ULK4: variants seen among roughly 807,000 people sequenced by gnomAD.
ULK4 encodes the protein inactive serine/threonine-protein kinase ULK4.
Under a neutral mutation model 160.6 loss-of-function variants are expected in ULK4, and 133 were observed. The ratio of observed to expected loss-of-function variants is 0.83; its 90% CI spans 0.72 to 0.96. The LOEUF is 0.96. Among genes scored for constraint, ULK4 ranks in the 40% least tolerant of loss-of-function variants. The pLI is 0.00. For synonymous variants in ULK4, 534 were observed against 539.8 expected (o/e 0.99, Z 0.15); for missense variants, 1,580 against 1,499.5 (o/e 1.05, Z -0.89).
intron 30 of ULK4, among the ~76,000 whole-genome samples, chr3:41,640,810 T>C (rs1485753297): frequency 6.6e-6 from 1 of 152,216 alleles, no homozygotes; most frequent in Non-Finnish European, 1.5e-5. Flanking sequence ...TTTTTTTTAA[T>C]TGAATTGTTT....
At chr3:41,254,362 T>G (rs2078793459) in intron 35 of ULK4, among the ~76,000 whole-genome samples, 1 of 152,200 alleles carries the variant, frequency 6.6e-6, no homozygotes, top group African/African-American at 2.4e-5. Flanking sequence ...TTCAATCACT[T>G]GGAATTAAAC....
chr3:41,805,391 A>G lies in ULK4; in HGVS notation c.1849-5098T>C, dbSNP rs190401949. Among the ~76,000 whole-genome samples, 844 of 152,286 alleles carry G rather than the reference A, an allele frequency of 5.5e-3. 2 individuals are homozygous for G. Among genetic ancestry groups the G allele is most frequent in the African/African-American group, 0.019 (791 of 41,536 alleles). ...GCTTAAGGAGATTTTGGGCTGAGAC[A>G]ATGGGGTTTTCTAAATATACAATCA... is the stretch of plus-strand genomic sequence containing the variant. On this transcript the variant is annotated intron_variant, in intron 19 of 36. Transcript: ENST00000301831.
intron 33 of ULK4, among the ~76,000 whole-genome samples, chr3:41,462,569 C>T (rs552466258): frequency 6.6e-6 from 1 of 152,300 alleles, no homozygotes; most frequent in Non-Finnish European, 1.5e-5. Context: ...ACTGAATACA[C>T]CTCTATTCCT....
At position 41,297,742 on chromosome 3, in the gene ULK4, C is replaced by T. The variant is rs182374988; in HGVS notation, c.3679-48168G>A. Among the ~76,000 whole-genome samples, 12 of 152,358 alleles carry T rather than the reference C, an allele frequency of 7.9e-5. No individual in the cohort carries two copies. In the East Asian group the frequency reaches 2.3e-3, roughly 29 times the overall value. On this transcript the variant is annotated intron_variant, in intron 35 of 36. Coordinates refer to ENST00000301831, the MANE Select transcript of ULK4 (RefSeq NM_017886.4). ...CACCTGAGATGCTTTCTATGGCCCA[C>T]TGCTGACTTCAAAAGTGAACTGCCT...
rs1391754744 is a variant in ULK4, at chr3:41,471,462, A to G, written c.3227-8209T>C. ...CATCCAGACAGAAATTAATAAGAAA[A>G]CACTGGTCTTGAACAACACTTTAGA... On this transcript the variant is annotated intron_variant, in intron 32 of 36. Coordinates refer to ENST00000301831, the MANE Select transcript of ULK4 (RefSeq NM_017886.4). 3.3e-5 allele frequency among the ~76,000 whole-genome samples: 5 copies of G among 152,280 alleles called. No individual in the cohort carries two copies. In the East Asian group the frequency reaches 9.6e-4, roughly 29 times the overall value.
chr3:41,749,319 C>T (rs2038534445), intron 22 of ULK4, among the ~76,000 whole-genome samples: 1 of 152,060 alleles, frequency 6.6e-6, no homozygotes, highest in Non-Finnish European at 1.5e-5. Flanking sequence ...CCCGTCCCTA[C>T]TAAAAATACA....
At chr3:41,764,950 C>T (rs1047922644) in intron 21 of ULK4, among the ~76,000 whole-genome samples, 12 of 152,212 alleles carry the variant, frequency 7.9e-5, no homozygotes, top group Admixed American at 4.6e-4. Flanking sequence ...CACTTTTACA[C>T]TGTTGGTGGG....
chr3:41,443,185 C>T (rs1402117310), intron 34 of ULK4, among the ~76,000 whole-genome samples: 6 of 152,200 alleles, frequency 3.9e-5, no homozygotes, highest in African/African-American at 1.4e-4. Flanking sequence ...TGGCTACATA[C>T]CCAGAGCTTC....
At chr3:41,715,597 G>A (rs1186789098) in intron 23 of ULK4, 29 bp from the exon 24 acceptor site, 1 of 1,613,490 alleles carries the variant, frequency 6.2e-7, no homozygotes, top group African/African-American at 1.3e-5. Context: ...AGCATATGTG[G>A]AGGTTAAAAA....
At chr3:41,806,162 G>T (rs1308893155) in intron 19 of ULK4, among the ~76,000 whole-genome samples, 8 of 147,596 alleles carry the variant, frequency 5.4e-5, no homozygotes, top group Non-Finnish European at 8.9e-5. Flanking sequence ...CAATTTCAGA[G>T]CCTGTTATTG....
intron 32 of ULK4, among the ~76,000 whole-genome samples, chr3:41,556,434 T>C (rs113588405): frequency 0.016 from 2,451 of 149,170 alleles, 73 homozygotes; most frequent in African/African-American, 0.058. Context: ...ACTACTATCA[T>C]ACCACAAAAA....
At chr3:41,629,936 T>G (rs2033679610) in intron 30 of ULK4, among the ~76,000 whole-genome samples, 1 of 152,096 alleles carries the variant, frequency 6.6e-6, no homozygotes. Context: ...AGGTCAAAGT[T>G]GCAGTAAGTC....
intron 32 of ULK4, among the ~76,000 whole-genome samples, chr3:41,546,545 A>G (rs1243275988): frequency 6.6e-6 from 1 of 152,074 alleles, no homozygotes; most frequent in Non-Finnish European, 1.5e-5. Flanking sequence ...GTGAGGCCTA[A>G]CGTAATCTTG....
rs567999621 is a variant in ULK4, at chr3:41,583,620, C to T, written c.3121-17490G>A. Among the ~76,000 whole-genome samples the T allele has an allele frequency of 3.3e-4, 50 of 152,338 alleles. 1 individual carries two copies. Among genetic ancestry groups the T allele is most frequent in the African/African-American group, 1.1e-3 (46 of 41,582 alleles). ...AAAAGGGCAGCCAGAATCATGCACA[C>T]CTCAGGTATGGATCTGTCCTATGCT... is the stretch of plus-strand genomic sequence containing the variant. On this transcript the variant is annotated intron_variant, in intron 31 of 36. Transcript: ENST00000301831.
At chr3:41,938,970 T>C (rs1699866210) in intron 2 of ULK4, among the ~76,000 whole-genome samples, 1 of 152,140 alleles carries the variant, frequency 6.6e-6, no homozygotes, top group Non-Finnish European at 1.5e-5. Flanking sequence ...AATAACACAA[T>C]AGGTCACTAA....
At chr3:41,673,673 A>AAT (rs546918279) in intron 29 of ULK4, among the ~76,000 whole-genome samples, 1,557 of 148,756 alleles carry the variant, frequency 0.01, 18 homozygotes, top group East Asian at 0.058. Flanking sequence ...CTCAAACCTA[A>AAT]ATATATATAT....
intron 22 of ULK4, among the ~76,000 whole-genome samples, chr3:41,721,279 T>TTTTTTTTG (rs67078043): frequency 1.0e-5 from 1 of 98,918 alleles, no homozygotes; most frequent in African/African-American, 4.4e-5. Flanking sequence ...TTTTTTTTTT[T>TTTTTTTTG]TTTTTGGGTT....
At chr3:41,659,214 T>C (rs539601505) in intron 30 of ULK4, among the ~76,000 whole-genome samples, 7 of 152,196 alleles carry the variant, frequency 4.6e-5, no homozygotes, top group Non-Finnish European at 1.0e-4. Context: ...AGTGTATCTG[T>C]TGGATCTGGT....
chr3:41,316,595 A>G (rs1162167694), intron 35 of ULK4, among the ~76,000 whole-genome samples: 2 of 152,224 alleles, frequency 1.3e-5, no homozygotes, highest in African/African-American at 4.8e-5. Flanking sequence ...TGGGAACAAC[A>G]GACACTGTGT....
Sources: allele counts gnomAD v4.1 joint callset (sites outside exome capture counted in the v4.1 genomes callset), GRCh38; gene constraint gnomAD v4.1.1; transcripts MANE v1.5; gene names NCBI Gene and HGNC (gene_info 2026-07-23, HGNC 2026-07-21).